The following MYLK2 variants were observed in gnomAD, a reference collection of about 807,000 sequenced individuals.
MYLK2 encodes myosin light chain kinase 2, skeletal/cardiac muscle.
A neutral mutation model predicts 58.2 loss-of-function variants in MYLK2; 27 were observed. The observed-to-expected ratio is 0.46, with a 90% CI of 0.34 to 0.64. The LOEUF (loss-of-function observed/expected upper bound fraction) is 0.64. MYLK2 is among the 30% of genes least tolerant of loss of function. The pLI is 0.01. For synonymous variants in MYLK2, 310 were observed against 296.7 expected (o/e 1.04, Z -0.46); for missense variants, 676 against 764.3 (o/e 0.88, Z 1.36).
chr20:31,827,119 A>C (rs2062284571), intron 8 of MYLK2, 181 bp downstream of exon 8: 16 of 980,788 alleles, frequency 1.6e-5, no homozygotes, highest in Non-Finnish European at 1.9e-5. Context: ...CCGGGGGCAC[A>C]GCAAAGAGAG....
At chr20:31,831,653 T>A in intron 10 of MYLK2, 50 bp from the exon 11 acceptor site, 1 of 1,600,448 alleles carries the variant, frequency 6.2e-7, no homozygotes, top group Non-Finnish European at 8.6e-7. Flanking sequence ...TGAAGGTGAC[T>A]CAGCACCTCC....
intron 6 of MYLK2, among the ~76,000 whole-genome samples, chr20:31,825,603 GTAA>G (rs2062274847): frequency 6.6e-6 from 1 of 152,160 alleles, no homozygotes; most frequent in Non-Finnish European, 1.5e-5. Flanking sequence ...ATAAAGCCAG[GTAA>G]GGTAGAGGGG....
intron 4 of MYLK2, among the ~76,000 whole-genome samples, chr20:31,822,432 A>T (rs185448170): frequency 6.6e-6 from 1 of 152,246 alleles, no homozygotes; most frequent in Admixed American, 6.5e-5. Context: ...TGTGTGTGGG[A>T]GCAGTGACCA....
intron 3 of MYLK2, 41 bp from the exon 4 acceptor site, chr20:31,821,396 CTG>C: frequency 6.2e-7 from 1 of 1,610,634 alleles, no homozygotes; most frequent in Non-Finnish European, 8.5e-7. Flanking sequence ...ATGCCACAGG[CTG>C]TGGCCGCTGA....
Position 31,831,994 on chromosome 20 carries a change from T to C in MYLK2, c.1578-10T>C, listed in dbSNP as rs1374461000. The stretch of plus-strand genomic sequence containing the variant: ...TGCAGCCCACCGTCACCATGCTGCC[T>C]CTCCCCCAGGGCCCGGATGAACGCT... On this transcript the variant is annotated splice_polypyrimidine_tract_variant and intron_variant, in intron 11 of 12. Transcript: ENST00000375985. 1 of 1,611,348 alleles carries C rather than the reference T, an allele frequency of 6.2e-7. No homozygotes were observed. Among genetic ancestry groups the C allele is most frequent in the Admixed American group, 1.7e-5 (1 of 59,622 alleles).
At chr20:31,831,272 G>C (rs2062305191) in intron 10 of MYLK2, 131 bp downstream of exon 10, 10 of 1,369,644 alleles carry the variant, frequency 7.3e-6, no homozygotes, top group Non-Finnish European at 1.0e-5. Flanking sequence ...GGTTTGCTGG[G>C]GTTGGGAGTG....
chr20:31,831,722 T>G lies in MYLK2; in HGVS notation c.1444T>G (p.Phe482Val), dbSNP rs770698235. The G allele has an allele frequency of 1.1e-5, 18 of 1,613,736 alleles. No individual in the cohort carries two copies. The highest frequency in any genetic ancestry group is 1.7e-6 in the Non-Finnish European group (2 of 1,179,938). Residue 482 changes from phenylalanine (F) to valine (V), a missense_variant, in exon 11 of 13, where the codon TTC becomes GTC. Around this residue, in one of 2 missense-constraint regions of MYLK2, gnomAD observed 370 missense variants for 467.8 expected, o/e 0.79. Coordinates refer to ENST00000375985, the MANE Select transcript of MYLK2 (RefSeq NM_033118.4). The stretch of plus-strand genomic sequence containing the variant: ...CTCTAGGCTGAGCGGCCTCTCCCCC[T>G]TCCTGGGAGATGATGACACAGAGAC... Reference protein sequence around the residue: ...TYMLLSGLSPFLGDDDTETLN... With the variant: ...TYMLLSGLSPVLGDDDTETLN...
rs2062283006 is a variant in MYLK2 at position 31,826,863 on chromosome 20, C to T, written c.1149C>T (p.Thr383=). Reference sequence around the variant, plus strand: ...ACTACCATCTGACCGAGGTGGACACCATGGTGTTTGTCAGGCAGATCTGTG... The same window carrying T: ...ACTACCATCTGACCGAGGTGGACACTATGGTGTTTGTCAGGCAGATCTGTG... ...DEDYHLTEVD[T]MVFVRQICDG... Residue 383 remains threonine (T), a synonymous_variant, in exon 8 of 13, where the codon ACC becomes ACT. Transcript: ENST00000375985. The T allele has an allele frequency of 1.2e-6, 2 of 1,614,084 alleles. No homozygotes were observed. Among genetic ancestry groups the T allele is most frequent in the Non-Finnish European group, 1.7e-6 (2 of 1,180,020 alleles).
intron 3 of MYLK2, among the ~76,000 whole-genome samples, chr20:31,820,871 C>T (rs2062249356): frequency 6.6e-6 from 1 of 152,180 alleles, no homozygotes; most frequent in South Asian, 2.1e-4. Context: ...GTTGAGATGG[C>T]AGGCAGAAAG....
intron 6 of MYLK2, 126 bp from the exon 7 acceptor site, chr20:31,826,479 G>T: frequency 7.7e-7 from 1 of 1,305,930 alleles, no homozygotes. Context: ...AGAGAGGAGA[G>T]GCAAGGAGGA....
intron 5 of MYLK2, chr20:31,823,846 C>A: frequency 1.4e-6 from 1 of 714,052 alleles, no homozygotes; most frequent in South Asian, 6.3e-5. Flanking sequence ...TCTGTCTCAG[C>A]TCCAGGCACC....
chr20:31,833,725 C>T lies in MYLK2; in HGVS notation c.1719C>T (p.Phe573=), dbSNP rs1424723349. 1.9e-6 allele frequency: 3 copies of T among 1,613,844 alleles called. No homozygotes were observed. Among genetic ancestry groups the T allele is most frequent in the Non-Finnish European group, 2.5e-6 (3 of 1,179,946 alleles). Residue 573 remains phenylalanine, a synonymous_variant, in exon 13 of 13, where the codon TTC becomes TTT. Coordinates refer to ENST00000375985, the MANE Select transcript of MYLK2 (RefSeq NM_033118.4). ...TCTCTTCTGCCCTCTAGAAAAACTTCATTGCTGTCAGCGCTGCCAACCGCT... is the reference window on the plus strand; with the variant it reads ...TCTCTTCTGCCCTCTAGAAAAACTTTATTGCTGTCAGCGCTGCCAACCGCT... ...YLMKRRWKKN[F]IAVSAANRFK...
intron 4 of MYLK2, among the ~76,000 whole-genome samples, chr20:31,823,065 G>A (rs1476317497): frequency 6.6e-6 from 1 of 152,218 alleles, no homozygotes. Flanking sequence ...GTGTTATTAG[G>A]ATGGAGGGTG....
chr20:31,834,097 A>G lies in MYLK2; in HGVS notation c.*300A>G. Reference sequence around the variant, plus strand: ...TGAAGCCGCTCCCGGTTCCCTCCCCAGCTCCTCGTCTTTGAACTGCCGCCG... The same window carrying G: ...TGAAGCCGCTCCCGGTTCCCTCCCCGGCTCCTCGTCTTTGAACTGCCGCCG... On this transcript the variant is annotated 3_prime_UTR_variant, in exon 13 of 13. Transcript: ENST00000375985. The G allele has an allele frequency of 2.2e-6, 1 of 455,000 alleles. No homozygotes were observed. The highest frequency in any genetic ancestry group is 2.3e-5 in the South Asian group (1 of 43,320). The allele number at this position is 455,000 out of a possible 1,614,324, so 28.2% of individuals were successfully genotyped here.
chr20:31,834,355 CA>C lies in MYLK2; in HGVS notation c.*559del, dbSNP rs1175517438. ...TGCCCCCGCCACCTCCCCACTCCAG[CA>C]GATAAGGCCGAGCCCACACCATCTG... On this transcript the variant is annotated 3_prime_UTR_variant, in exon 13 of 13. Transcript: ENST00000375985. 1 of 162,942 alleles carries C rather than the reference CA, an allele frequency of 6.1e-6. No individual in the cohort carries two copies. The highest frequency in any genetic ancestry group is 2.4e-5 in the African/African-American group (1 of 41,578). The allele number at this position is 162,942 out of a possible 1,614,324, so 10.1% of individuals were successfully genotyped here.
At chr20:31,819,470 T>C in intron 1 of MYLK2, 42 bp downstream of exon 1, 1 of 1,431,466 alleles carries the variant, frequency 7.0e-7, no homozygotes. Context: ...GCTTCCTGTC[T>C]CACTGCAGCC....
At chr20:31,827,139 G>GAA in intron 8 of MYLK2, 1 of 879,104 alleles carries the variant, frequency 1.1e-6, no homozygotes, top group Non-Finnish European at 1.4e-6. Context: ...GAGAGGGGGG[G>GAA]AAAAAAAAAA....
chr20:31,821,829 G>T, intron 4 of MYLK2, 92 bp downstream of exon 4: 3 of 1,305,166 alleles, frequency 2.3e-6, no homozygotes, highest in Non-Finnish European at 3.2e-6. Context: ...TCGGAGGTCT[G>T]AACTGCCCTG....
intron 11 of MYLK2, 40 bp from the exon 12 acceptor site, chr20:31,831,964 G>T: frequency 6.2e-7 from 1 of 1,612,450 alleles, no homozygotes. Flanking sequence ...GGGGCCTCAC[G>T]AGCATGCAGC....
Sources: allele counts gnomAD v4.1 joint callset (sites outside exome capture counted in the v4.1 genomes callset), GRCh38; gene constraint gnomAD v4.1.1; regional missense constraint gnomAD v4.1.1; transcripts MANE v1.5; gene names NCBI Gene and HGNC (gene_info 2026-07-23, HGNC 2026-07-21).